Variants in DCTN1 observed in about 807,000 individuals in gnomAD.
The protein encoded by DCTN1 is 150 kDa dynein-associated polypeptide.
Under a neutral mutation model 161.2 loss-of-function variants are expected in DCTN1, and 61 were observed. That is an observed-to-expected ratio of 0.38 (90% CI 0.31 to 0.47). DCTN1 has a LOEUF of 0.47. Among genes scored for constraint, DCTN1 ranks in the 20% least tolerant of loss-of-function variants. The pLI is 0.99. For missense variants in DCTN1, 1,404 were observed against 1,623.7 expected (o/e 0.86, Z 2.33); for synonymous variants, 653 against 632.4 (o/e 1.03, Z -0.49).
Position 74,378,392 on chromosome 2 carries a change from C to T in DCTN1, c.34-147G>A. 6 of 915,502 alleles carry T rather than the reference C, an allele frequency of 6.6e-6. No homozygotes were observed. The South Asian group carries it at 7.9e-5, about 12-fold the overall frequency. 56.7% of individuals were successfully genotyped at this position (915,502 alleles called of 1,614,324 possible). ...CCCCATTTACAGAATTGGGTGGACC[C>T]CCAAATTCCCCTTTGAAAAAATGCC... On this transcript the variant is annotated intron_variant, in intron 1 of 31. Coordinates refer to ENST00000628224, the MANE Select transcript of DCTN1 (RefSeq NM_004082.5).
chr2:74,379,905 G>T (rs1675432443), intron 1 of DCTN1, 100 bp downstream of exon 1: 2 of 1,269,142 alleles, frequency 1.6e-6, no homozygotes, highest in African/African-American at 2.9e-5. Context: ...CCTCAGCTGA[G>T]CTCCAGCCTA....
chr2:74,380,126 G>C lies in DCTN1; in HGVS notation c.-89C>G. ...CTAGGCAGGAGGGTCAGGGCGCTGG[G>C]CCCTCATAGAGGGACACAGGAGTCG... On this transcript the variant is annotated 5_prime_UTR_variant, in exon 1 of 32. Transcript: ENST00000628224. 7.5e-6 allele frequency: 11 copies of C among 1,457,038 alleles called. No homozygotes were observed. The highest frequency in any genetic ancestry group is 1.1e-5 in the Non-Finnish European group (11 of 1,044,638). 90.3% of individuals were successfully genotyped at this position (1,457,038 alleles called of 1,614,324 possible).
intron 4 of DCTN1, among the ~76,000 whole-genome samples, chr2:74,377,034 C>A (rs1675267205): frequency 6.6e-6 from 1 of 152,162 alleles, no homozygotes; most frequent in Admixed American, 6.5e-5. Context: ...GGCAGAGGGC[C>A]CGGCTCCTTG....
Position 74,377,636 on chromosome 2 carries a change from G to C in DCTN1, c.358+12C>G. Reference sequence around the variant, plus strand: ...GGCTATGGGGAGGCAACTTTAAGTGGGTGGTTGTTACCTCTTTTGAGGACT... The same window carrying C: ...GGCTATGGGGAGGCAACTTTAAGTGCGTGGTTGTTACCTCTTTTGAGGACT... On this transcript the variant is annotated intron_variant, in intron 3 of 31. Transcript: ENST00000628224. The C allele has an allele frequency of 6.2e-7, 1 of 1,612,074 alleles. No homozygotes were observed. The highest frequency in any genetic ancestry group is 2.2e-5 in the East Asian group (1 of 44,888).
At chr2:74,366,662 C>T in intron 21 of DCTN1, 42 bp from the exon 22 acceptor site, 3 of 1,613,512 alleles carry the variant, frequency 1.9e-6, no homozygotes, top group Non-Finnish European at 1.7e-6. Context: ...CTGGGTTCAG[C>T]ACCACAGTTT....
At chr2:74,385,193 C>G (rs982541251), upstream of DCTN1, 6 of 152,282 alleles carry the variant, frequency 3.9e-5, no homozygotes, top group Non-Finnish European at 7.3e-5. Context: ...CAAAATGTCC[C>G]CTTTCCCCAG....
At chr2:74,368,359 C>G in intron 16 of DCTN1, 2 of 639,838 alleles carry the variant, frequency 3.1e-6, no homozygotes, top group Middle Eastern at 4.3e-4. Flanking sequence ...GTAGTGGGAC[C>G]GGTGGAATCA....
Position 74,368,895 on chromosome 2 carries a change from G to C in DCTN1, c.1702-15C>G, listed in dbSNP as rs766051445. 6.2e-7 allele frequency: 1 copy of C among 1,614,006 alleles called. No homozygotes were observed. The highest frequency in any genetic ancestry group is 2.2e-5 in the East Asian group (1 of 44,904). On this transcript the variant is annotated splice_polypyrimidine_tract_variant and intron_variant, in intron 15 of 31. Coordinates refer to ENST00000628224, the MANE Select transcript of DCTN1 (RefSeq NM_004082.5). ...ATCTCAATTGCCTGTGAGGTGAACA[G>C]GGAGGAGGACTCTTAGCCAGAGCTG...
Position 74,369,218 on chromosome 2 carries a change from G to A in DCTN1, c.1585-4C>T. ...TTGTCAGTTCCCGATTCACATCCTA[G>A]GAGGAGAGACAGTGAAGCACAGCTG... On this transcript the variant is annotated splice_polypyrimidine_tract_variant and splice_region_variant and intron_variant, in intron 14 of 31. Transcript: ENST00000628224. This position sits in a 1 kb window ranked among gnomAD's most constrained non-coding sequence, Gnocchi z 4.9. The A allele has an allele frequency of 6.2e-7, 1 of 1,614,126 alleles. No individual in the cohort carries two copies. Among genetic ancestry groups the A allele is most frequent in the Non-Finnish European group, 8.5e-7 (1 of 1,180,004 alleles).
In DCTN1 at chr2:74,365,606, ACTT is replaced by A. The variant is rs1371339798; in HGVS notation, c.2935_2937del (p.Lys979del). The A allele has an allele frequency of 1.2e-6, 2 of 1,613,998 alleles. No individual in the cohort carries two copies. Among genetic ancestry groups the A allele is most frequent in the Non-Finnish European group, 1.7e-6 (2 of 1,179,976 alleles). On this transcript the variant is annotated inframe_deletion, in exon 25 of 32. Transcript: ENST00000628224. ...TCTGCATCCTTGGCAGCACTGTCCAACTTCTTCTCCAGGAGGCTCAGCCGCACA... is the reference window on the plus strand; with the variant it reads ...TCTGCATCCTTGGCAGCACTGTCCAACTTCTCCAGGAGGCTCAGCCGCACA...
chr2:74,383,092 A>T (rs188868925), upstream of DCTN1, among the ~76,000 whole-genome samples: 740 of 150,230 alleles, frequency 4.9e-3, 26 homozygotes, highest in Admixed American at 0.043. Flanking sequence ...AAAAAAAAAA[A>T]AATAAATAAA....
chr2:74,381,801 G>A (rs1033802167), upstream of DCTN1, among the ~76,000 whole-genome samples: 7 of 152,168 alleles, frequency 4.6e-5, no homozygotes, highest in Non-Finnish European at 1.0e-4. Flanking sequence ...ATCTCAGAGA[G>A]GTATCGTGAG....
chr2:74,389,044 C>T (rs1304578140), intron 1 of DCTN1, among the ~76,000 whole-genome samples: 2 of 152,172 alleles, frequency 1.3e-5, no homozygotes, highest in African/African-American at 2.4e-5. Context: ...ATCCTGTATA[C>T]TTTCAGGGTA....
chr2:74,365,750 G>C, intron 24 of DCTN1, 93 bp from the exon 25 acceptor site: 1 of 1,610,190 alleles, frequency 6.2e-7, no homozygotes, highest in Admixed American at 1.7e-5. Flanking sequence ...TTCCCTGAGG[G>C]CTCACCACAG....
At chr2:74,377,526 A>G in intron 3 of DCTN1, 60 bp from the exon 4 acceptor site, 1 of 1,545,692 alleles carries the variant, frequency 6.5e-7, no homozygotes, top group Non-Finnish European at 8.9e-7. Context: ...GGGAGATATA[A>G]TAAGGGAATA....
At chr2:74,373,803 G>A (rs1422818126) in intron 6 of DCTN1, among the ~76,000 whole-genome samples, 4 of 152,188 alleles carry the variant, frequency 2.6e-5, no homozygotes, top group African/African-American at 7.2e-5. Flanking sequence ...ATACACTGAG[G>A]CCAATTCCCA....
intron 16 of DCTN1, 88 bp from the exon 17 acceptor site, chr2:74,368,219 G>A: frequency 6.6e-7 from 1 of 1,517,644 alleles, no homozygotes; most frequent in South Asian, 1.2e-5. Context: ...GCTTAACTAT[G>A]TGGGGAGCAT....
rs1192264987 is a variant in DCTN1 at position 74,378,241 on chromosome 2, G to A, written c.38C>T (p.Pro13Leu). 6.2e-7 allele frequency: 1 copy of A among 1,607,154 alleles called. No homozygotes were observed. Among genetic ancestry groups the A allele is most frequent in the Non-Finnish European group, 8.5e-7 (1 of 1,179,998 alleles). Residue 13 changes from proline to leucine, a missense_variant, in exon 2 of 32, where the codon CCC becomes CTC. By Grantham distance (98) the Pro-to-Leu change is moderately conservative (BLOSUM62 -3). Coordinates refer to ENST00000628224, the MANE Select transcript of DCTN1 (RefSeq NM_004082.5). Reference protein sequence around the residue: ...QSKRHVYSRTPSGSRMSAEAS... With the variant: ...QSKRHVYSRTLSGSRMSAEAS... ...CTCCGCACTCATCCTGCTGCCGCTG[G>A]GCGTCTGAAAGACACAGGTAAACAC...
At position 74,369,283 on chromosome 2, in the gene DCTN1, A is replaced by T; in HGVS notation, c.1584+17T>A. On this transcript the variant is annotated intron_variant, in intron 14 of 31. Coordinates refer to ENST00000628224, the MANE Select transcript of DCTN1 (RefSeq NM_004082.5). This position sits in a 1 kb window ranked among gnomAD's most constrained non-coding sequence, Gnocchi z 4.9. ...CCTGGGGTGATGGTGGGCAGAGAGC[A>T]AACAGTGGGCATGTACCTGTAGATG... 1 of 1,614,216 alleles carries T rather than the reference A, an allele frequency of 6.2e-7. No homozygotes were observed.
Sources: allele counts gnomAD v4.1 joint callset (sites outside exome capture counted in the v4.1 genomes callset), GRCh38; gene constraint gnomAD v4.1.1; non-coding constraint Gnocchi (gnomAD v3.1); transcripts MANE v1.5; gene names NCBI Gene and HGNC (gene_info 2026-07-23, HGNC 2026-07-21).